The following TMC5 variants were observed in gnomAD, a reference collection of about 807,000 sequenced individuals.
The protein encoded by TMC5 is transmembrane channel-like protein 5.
TMC5 carries 86 observed loss-of-function variants against 110.5 expected under a neutral mutation model. That is an observed-to-expected ratio of 0.78 (90% CI 0.65 to 0.93). The LOEUF is 0.93. Among genes scored for constraint, TMC5 ranks in the 40% least tolerant of loss-of-function variants. The pLI, the probability that TMC5 is intolerant of heterozygous loss-of-function variation, is 0.00. For missense variants in TMC5, 1,144 were observed against 1,222.8 expected, an observed-to-expected ratio of 0.94 and a Z score of 0.96; for synonymous variants, 455 against 439.5, an observed-to-expected ratio of 1.04 and a Z score of -0.44.
At chr16:19,469,173 G>A (rs1168067726) in intron 9 of TMC5, among the ~76,000 whole-genome samples, 2 of 152,020 alleles carry the variant, frequency 1.3e-5, no homozygotes, top group Non-Finnish European at 2.9e-5. Flanking sequence ...AGCCAACATG[G>A]TGAAACCCTG....
At chr16:19,448,576 A>C (rs1420787216) in intron 4 of TMC5, among the ~76,000 whole-genome samples, 1 of 150,532 alleles carries the variant, frequency 6.6e-6, no homozygotes, top group East Asian at 2.0e-4. Flanking sequence ...CTGAAATCGC[A>C]CCACTGCACT....
At chr16:19,449,500 T>C in intron 4 of TMC5, 42 bp from the exon 5 acceptor site, 1 of 1,507,584 alleles carries the variant, frequency 6.6e-7, no homozygotes, top group Non-Finnish European at 9.2e-7. Flanking sequence ...ATGTCTAGTG[T>C]GGTGAGACTA....
chr16:19,490,915 CCCCTT>C (rs773946924), intron 18 of TMC5, among the ~76,000 whole-genome samples: 3 of 119,128 alleles, frequency 2.5e-5, no homozygotes, highest in Non-Finnish European at 3.6e-5. Context: ...CCCTTCCCTT[CCCCTT>C]CTTTCTCCCT....
intron 1 of TMC5, among the ~76,000 whole-genome samples, chr16:19,425,933 C>T (rs569196381): frequency 1.3e-4 from 20 of 152,324 alleles, no homozygotes; most frequent in Non-Finnish European, 2.2e-4. Flanking sequence ...GCAATCCACC[C>T]GCCTTGGCCT....
At chr16:19,430,243 C>A (rs1328945609) in intron 1 of TMC5, among the ~76,000 whole-genome samples, 170 bp from the exon 2 acceptor site, 1 of 152,172 alleles carries the variant, frequency 6.6e-6, no homozygotes, top group South Asian at 2.1e-4. Flanking sequence ...TAATATTTGA[C>A]CTTTTCTTCT....
chr16:19,441,283 ACTT>A (rs1396266312), intron 3 of TMC5, among the ~76,000 whole-genome samples: 1 of 141,118 alleles, frequency 7.1e-6, no homozygotes, highest in African/African-American at 2.8e-5. Flanking sequence ...TGTTTGCACC[ACTT>A]CTTTGTTTTT....
intron 18 of TMC5, among the ~76,000 whole-genome samples, chr16:19,491,626 C>T (rs1326037676): frequency 6.6e-6 from 1 of 151,104 alleles, no homozygotes; most frequent in African/African-American, 2.4e-5. Context: ...AGTTCCGCCT[C>T]CTGGGTTCAT....
intron 2 of TMC5, among the ~76,000 whole-genome samples, chr16:19,431,042 G>A (rs1967185545): frequency 6.6e-6 from 1 of 151,966 alleles, no homozygotes; most frequent in Admixed American, 6.6e-5. Context: ...AAATTATTTG[G>A]TCTGTTTTAA....
chr16:19,443,876 A>G (rs370839226), intron 3 of TMC5, among the ~76,000 whole-genome samples: 1 of 151,228 alleles, frequency 6.6e-6, no homozygotes, highest in African/African-American at 2.4e-5. Flanking sequence ...TGGATGGATG[A>G]ATGGATGGAT....
intron 2 of TMC5, among the ~76,000 whole-genome samples, chr16:19,431,358 T>C (rs951970820): frequency 6.6e-6 from 1 of 151,930 alleles, no homozygotes; most frequent in South Asian, 2.1e-4. Flanking sequence ...CTGGCCAACA[T>C]ACTGAAACCC....
intron 11 of TMC5, 74 bp downstream of exon 11, chr16:19,472,317 C>T: frequency 1.3e-6 from 2 of 1,548,604 alleles, no homozygotes. Flanking sequence ...GGGTGGTGTG[C>T]AGCCTACGGT....
rs766860818 is a variant in TMC5, at chr16:19,444,147, T to C, written c.855T>C (p.Ser285=). The part of the protein sequence containing the change: ...FRHRSDDPVG[S]LWGENDYPEG... ...ACAGGAGTGATGACCCCGTGGGCAG[T>C]CTTTGGGGAGAGAATGATTACCCTG... The change falls in exon 4 of 22, where the codon AGT becomes AGC. Residue 285 remains serine (S), a synonymous_variant. Coordinates refer to ENST00000542583, the MANE Select transcript of TMC5 (RefSeq NM_001261841.2). 3 of 1,614,064 alleles carry C rather than the reference T, an allele frequency of 1.9e-6. No individual in the cohort carries two copies. The highest frequency in any genetic ancestry group is 1.7e-5 in the Admixed American group (1 of 60,004).
At chr16:19,448,678 T>A (rs1290851855) in intron 4 of TMC5, among the ~76,000 whole-genome samples, 2 of 104,270 alleles carry the variant, frequency 1.9e-5, no homozygotes, top group African/African-American at 7.9e-5. Context: ...TATATTAAAA[T>A]ATATATTTAT....
chr16:19,474,135 C>A lies in TMC5; in HGVS notation c.1949C>A (p.Thr650Lys), dbSNP rs1384049735. ...CCCCATCCCCTGCAGTTCCTGAAGACACACAGTAACCCTGGGGCGGTGCTG... is the reference window on the plus strand; with the variant it reads ...CCCCATCCCCTGCAGTTCCTGAAGAAACACAGTAACCCTGGGGCGGTGCTG... Reference protein sequence around the residue: ...LAEYNLEFLKTHSNPGAVLLL... With the variant: ...LAEYNLEFLKKHSNPGAVLLL... The change falls in exon 12 of 22, where the codon ACA becomes AAA. Residue 650 changes from threonine (T) to lysine (K), a missense_variant. By Grantham distance (78) the Thr-to-Lys change is moderately conservative. Transcript: ENST00000542583. 13 of 1,613,660 alleles carry A rather than the reference C, an allele frequency of 8.1e-6. No individual in the cohort carries two copies. The highest frequency in any genetic ancestry group is 1.3e-5 in the African/African-American group (1 of 75,028).
chr16:19,498,677 T>C lies in TMC5; in HGVS notation c.*711T>C, dbSNP rs999611488. On this transcript the variant is annotated 3_prime_UTR_variant, in exon 22 of 22. Coordinates refer to ENST00000542583, the MANE Select transcript of TMC5 (RefSeq NM_001261841.2). ...GACGCGATTATTGCTAATTGGAAAT[T>C]TTCCCAATACCCCACCGTGATGACT... 2.0e-5 allele frequency: 3 copies of C among 152,074 alleles called. No individual in the cohort carries two copies. Among genetic ancestry groups the C allele is most frequent in the Admixed American group, 6.6e-5 (1 of 15,260 alleles). The allele number at this position is 152,074 out of a possible 1,614,324, so 9.4% of individuals were successfully genotyped here.
chr16:19,415,218 T>C (rs1966871077), upstream of TMC5, among the ~76,000 whole-genome samples: 1 of 152,216 alleles, frequency 6.6e-6, no homozygotes, highest in Admixed American at 6.5e-5. Context: ...GTATAGTTTC[T>C]AGAAGAGGAG....
chr16:19,411,476 T>C (rs559267841), intron 1 of TMC5: 13 of 152,252 alleles, frequency 8.5e-5, no homozygotes, highest in African/African-American at 2.9e-4. Flanking sequence ...GACAGTTAAG[T>C]AACTTGACCA....
At chr16:19,415,372 C>G (rs1054384807), upstream of TMC5, among the ~76,000 whole-genome samples, 33 of 152,132 alleles carry the variant, frequency 2.2e-4, no homozygotes, top group African/African-American at 8.0e-4. Flanking sequence ...TTTTGCCTCC[C>G]AGGGGATATT....
chr16:19,439,736 A>G (rs1967436384), intron 2 of TMC5, among the ~76,000 whole-genome samples: 1 of 152,112 alleles, frequency 6.6e-6, no homozygotes, highest in South Asian at 2.1e-4. Flanking sequence ...CTTTCCTCTA[A>G]CAGCACAGCT....
Sources: gnomAD v4.1 joint callset for allele counts (sites outside exome capture counted in the v4.1 genomes callset) on GRCh38, gnomAD v4.1.1 for gene constraint, MANE v1.5 for transcripts, NCBI Gene and HGNC (gene_info 2026-07-23, HGNC 2026-07-21) for gene names.